CATSPERG: variants seen among roughly 807,000 people sequenced by gnomAD.
CATSPERG encodes catsper channel auxiliary subunit gamma, also known as cation channel sperm-associated auxiliary subunit gamma.
A neutral mutation model predicts 145.0 loss-of-function variants in CATSPERG; 115 were observed. The ratio of observed to expected loss-of-function variants is 0.79; its 90% CI spans 0.68 to 0.93. CATSPERG has a LOEUF of 0.93. CATSPERG is among the 40% of genes least tolerant of loss of function. CATSPERG has a pLI of 0.00. For synonymous variants in CATSPERG, 588 were observed against 589.0 expected, an observed-to-expected ratio of 1.00 and a Z score of 0.02; for missense variants, 1,296 against 1,490.1, an observed-to-expected ratio of 0.87 and a Z score of 2.14.
chr19:38,361,836 TGTG>T lies in CATSPERG; in HGVS notation c.2071_2073del (p.Trp691del). 1.9e-6 allele frequency: 3 copies of T among 1,610,470 alleles called. No individual in the cohort carries two copies. Among genetic ancestry groups the T allele is most frequent in the Non-Finnish European group, 2.5e-6 (3 of 1,178,432 alleles). ...TACCAGGGCCTGGTCTACTACCTGC[TGTG>T]GCTGCACTCCGTGTACGACAAGGTG... On this transcript the variant is annotated inframe_deletion, in exon 17 of 29. Coordinates refer to ENST00000409235, the MANE Select transcript of CATSPERG (RefSeq NM_021185.5).
At chr19:38,354,594 G>A (rs1970210351) in intron 8 of CATSPERG, 116 bp from the exon 9 acceptor site, 3 of 1,230,120 alleles carry the variant, frequency 2.4e-6, no homozygotes, top group Non-Finnish European at 3.4e-6. Context: ...CACTGAACGG[G>A]TGCTTCAGCA....
chr19:38,353,288 C>T (rs1478859797), intron 8 of CATSPERG, among the ~76,000 whole-genome samples: 1 of 151,802 alleles, frequency 6.6e-6, no homozygotes. Context: ...GAGCTGAGTT[C>T]ACGTCACTGC....
chr19:38,349,958 C>T (rs1365132515), intron 7 of CATSPERG, among the ~76,000 whole-genome samples: 4 of 152,180 alleles, frequency 2.6e-5, no homozygotes, highest in African/African-American at 9.7e-5. Context: ...AGCCACCGCA[C>T]CCGGCCGTTG....
rs1969973985 is a variant in CATSPERG at position 38,343,610 on chromosome 19, C to T, written c.355C>T (p.Leu119=). ...TGAGGACCTGGTGCGCATGGGCCAC[C>T]TGACGGGGCTAAAGCCCCTGGTGCT... is the stretch of plus-strand genomic sequence containing the variant. ...PSEDLVRMGH[L]TGLKPLVLVT... The change falls in exon 4 of 29, where the codon CTG becomes TTG. Residue 119 remains leucine (L), a synonymous_variant. Transcript: ENST00000409235. The T allele has an allele frequency of 1.9e-6, 3 of 1,551,106 alleles. No homozygotes were observed. The highest frequency in any genetic ancestry group is 1.7e-6 in the Non-Finnish European group (2 of 1,146,816).
At chr19:38,370,386 C>A in intron 28 of CATSPERG, 128 bp downstream of exon 28, 4 of 1,392,642 alleles carry the variant, frequency 2.9e-6, no homozygotes, top group Non-Finnish European at 4.0e-6. Flanking sequence ...GAACGCCTGC[C>A]ATGCCACAGG....
At chr19:38,345,420 G>A (rs565066501) in intron 6 of CATSPERG, among the ~76,000 whole-genome samples, 7 of 151,998 alleles carry the variant, frequency 4.6e-5, no homozygotes, top group South Asian at 4.2e-4. Flanking sequence ...CTCAAACTCC[G>A]GGGCTCAAGT....
chr19:38,362,242 G>C lies in CATSPERG; in HGVS notation c.2127G>C (p.Trp709Cys), dbSNP rs867859319. Residue 709 changes from tryptophan to cysteine, a missense_variant, in exon 18 of 29, where the codon TGG (tryptophan) becomes TGC (cysteine). Physicochemically the swap from Trp to Cys is radical, Grantham distance 215 (BLOSUM62 -2). Transcript: ENST00000409235. ...PYADPVHDPT[W>C]RWWANNKQDQ... ...CGGACCCGGTGCACGACCCCACCTGGCGCTGGTGGGCGAACAACAAACAAG... is the reference window on the plus strand; with the variant it reads ...CGGACCCGGTGCACGACCCCACCTGCCGCTGGTGGGCGAACAACAAACAAG... 13 of 1,611,024 alleles carry C rather than the reference G, an allele frequency of 8.1e-6. No individual in the cohort carries two copies. Among genetic ancestry groups the C allele is most frequent in the Admixed American group, 1.7e-5 (1 of 59,610 alleles).
intron 24 of CATSPERG, 27 bp from the exon 25 acceptor site, chr19:38,367,654 G>T (rs764727172): frequency 5.0e-6 from 8 of 1,613,402 alleles, no homozygotes; most frequent in Non-Finnish European, 5.9e-6. Flanking sequence ...CCGGAGGCCA[G>T]TCTGTGTGCA....
intron 18 of CATSPERG, 23 bp downstream of exon 18, chr19:38,362,295 C>T: frequency 8.7e-6 from 14 of 1,613,590 alleles, no homozygotes; most frequent in Non-Finnish European, 1.2e-5. Context: ...GATTGGGAGC[C>T]GGGAAAGGGG....
intron 11 of CATSPERG, among the ~76,000 whole-genome samples, chr19:38,357,514 T>TAAAAAAA (rs1600470442): frequency 2.3e-5 from 2 of 88,040 alleles, no homozygotes; most frequent in East Asian, 6.6e-4. Flanking sequence ...AGACCCGGTC[T>TAAAAAAA]CAAAAAAAAA....
intron 3 of CATSPERG, among the ~76,000 whole-genome samples, chr19:38,343,275 A>ATCCCATGCTGCCCT (rs1969968340): frequency 6.6e-6 from 1 of 151,924 alleles, no homozygotes; most frequent in African/African-American, 2.4e-5. Flanking sequence ...AGTTTTGTTC[A>ATCCCATGCTGCCCT]TCCCATGCTG....
In CATSPERG at chr19:38,335,889, G is replaced by C. The variant is rs1246296156; in HGVS notation, c.-15+14G>C. ...ACCAAGTGACTGGTACCACGGGGCC[G>C]GGGAAAAAGCTGTGCCATCCAGGGG... On this transcript the variant is annotated intron_variant, in intron 1 of 28. Coordinates refer to ENST00000409235, the MANE Select transcript of CATSPERG (RefSeq NM_021185.5). 1 of 252,548 alleles carries C rather than the reference G, an allele frequency of 4.0e-6. No homozygotes were observed. Among genetic ancestry groups the C allele is most frequent in the Non-Finnish European group, 8.1e-6 (1 of 123,576 alleles). The allele number at this position is 252,548 out of a possible 1,614,324, so 15.6% of individuals were successfully genotyped here. A position where few individuals can be genotyped will look rare whatever the true frequency, so the allele number is the denominator to read the frequency against.
At position 38,360,175 on chromosome 19, in the gene CATSPERG, C is replaced by G. The variant is rs77581430; in HGVS notation, c.1609-314C>G. On this transcript the variant is annotated intron_variant, in intron 14 of 28. Transcript: ENST00000409235. The stretch of plus-strand genomic sequence containing the variant: ...AGTGAGAAGAAAAGAGGTCTCGGCT[C>G]TAGGAACCGTGGCTGTTAGGGAGTG... 739 of 985,268 alleles carry G rather than the reference C, an allele frequency of 7.5e-4. 14 individuals are homozygous for G. The East Asian group carries it at 0.046, about 61-fold the overall frequency. The allele number at this position is 985,268 out of a possible 1,614,324, so 61.0% of individuals were successfully genotyped here.
At position 38,360,542 on chromosome 19, in the gene CATSPERG, GGGCT is replaced by G; in HGVS notation, c.1666_1669del (p.Trp556ArgfsTer6). The G allele has an allele frequency of 6.2e-7, 1 of 1,614,168 alleles. No homozygotes were observed. The highest frequency in any genetic ancestry group is 1.3e-5 in the African/African-American group (1 of 75,048). On this transcript the variant is annotated frameshift_variant, in exon 15 of 29. Coordinates refer to ENST00000409235, the MANE Select transcript of CATSPERG (RefSeq NM_021185.5). LOFTEE classifies it high-confidence loss of function. The stretch of plus-strand genomic sequence containing the variant: ...GGGTCTACCAGCTGTTCCCTTCCAA[GGGCT>G]GGCAGGTGCACATCAGCTTAAAGCT...
intron 7 of CATSPERG, among the ~76,000 whole-genome samples, chr19:38,347,041 T>C (rs1018983670): frequency 2.0e-5 from 3 of 151,934 alleles, no homozygotes; most frequent in Admixed American, 2.0e-4. Flanking sequence ...TGAGACCCCA[T>C]CTCTACCAAA....
intron 25 of CATSPERG, 121 bp from the exon 26 acceptor site, chr19:38,367,927 C>T: frequency 1.7e-6 from 2 of 1,144,514 alleles, no homozygotes; most frequent in Non-Finnish European, 2.6e-6. Flanking sequence ...CAAACTCCTG[C>T]CCGCCCCTAA....
chr19:38,343,782 G>A lies in CATSPERG; in HGVS notation c.469+58G>A, dbSNP rs576809919. 51 of 1,515,860 alleles carry A rather than the reference G, an allele frequency of 3.4e-5. No homozygotes were observed. The Admixed American group carries it at 7.0e-4, about 21-fold the overall frequency. The allele number at this position is 1,515,860 out of a possible 1,614,324, so 93.9% of individuals were successfully genotyped here. On this transcript the variant is annotated intron_variant, in intron 4 of 28. Coordinates refer to ENST00000409235, the MANE Select transcript of CATSPERG (RefSeq NM_021185.5). The stretch of plus-strand genomic sequence containing the variant: ...CTGGCAGGGGTGTGGGGTTTGCTGG[G>A]GGCCTCTGTGGGGCCATGATCTGAG...
Position 38,359,550 on chromosome 19 carries a change from G to T in CATSPERG, c.1577G>T (p.Gly526Val). Residue 526 changes from glycine (G) to valine (V), a missense_variant, in exon 14 of 29, where the codon GGG (glycine) becomes GTG (valine). Physicochemically the swap from Gly to Val is moderately radical, Grantham distance 109. Transcript: ENST00000409235. ...AAATACATGGCCAGATCGTTCCGTG[G>T]GGCTGTGGCTATTGTCACAGAGACG... is the stretch of plus-strand genomic sequence containing the variant. ...SIKYMARSFR[G>V]AVAIVTETEE... 1 of 1,613,526 alleles carries T rather than the reference G, an allele frequency of 6.2e-7. No homozygotes were observed. Among genetic ancestry groups the T allele is most frequent in the South Asian group, 1.1e-5 (1 of 91,068 alleles).
chr19:38,344,309 A>G lies in CATSPERG; in HGVS notation c.610A>G (p.Ile204Val). The G allele has an allele frequency of 1.9e-6, 3 of 1,551,778 alleles. No individual in the cohort carries two copies. Among genetic ancestry groups the G allele is most frequent in the South Asian group, 2.4e-5 (2 of 84,046 alleles). The change falls in exon 6 of 29, where the codon ATC becomes GTC. Residue 204 changes from isoleucine to valine, a missense_variant. Transcript: ENST00000409235. ...ACCTGCTGCTAGGTTCCAGATGAAT[A>G]TCAACGGCTTCCTGAAGAGAGACCG... The part of the protein sequence containing the change: ...FIPDKRFQMN[I>V]NGFLKRDRDN...
Sources: gnomAD v4.1 joint callset for allele counts (sites outside exome capture counted in the v4.1 genomes callset) on GRCh38, gnomAD v4.1.1 for gene constraint, MANE v1.5 for transcripts, NCBI Gene and HGNC (gene_info 2026-07-23, HGNC 2026-07-21) for gene names.